The following SUCO variants were observed in gnomAD, a reference collection of about 807,000 sequenced individuals.
The protein encoded by SUCO is SUN domain containing ossification factor, also known as SUN domain-containing ossification factor.
Under a neutral mutation model 148.1 loss-of-function variants are expected in SUCO, and 57 were observed. That is an observed-to-expected ratio of 0.38 (90% CI 0.31 to 0.48). SUCO has a LOEUF of 0.48. Among genes scored for constraint, SUCO ranks in the 20% least tolerant of loss-of-function variants. SUCO has a pLI of 0.96. For synonymous variants in SUCO, 470 were observed against 502.7 expected (o/e 0.93, Z 0.87); for missense variants, 1,331 against 1,468.2 (o/e 0.91, Z 1.53).
chr1:172,557,813 C>T lies in SUCO; in HGVS notation c.732+19C>T. On this transcript the variant is annotated intron_variant, in intron 6 of 23. Transcript: ENST00000263688. ...AAATGAGGTAGGTATATAACTTGCA[C>T]TATCTCTTACTTCTTTATGTAATGC... The T allele has an allele frequency of 6.5e-7, 1 of 1,549,714 alleles. No homozygotes were observed. Among genetic ancestry groups the T allele is most frequent in the Non-Finnish European group, 8.7e-7 (1 of 1,148,168 alleles).
At chr1:172,570,247 G>T in intron 8 of SUCO, 76 bp downstream of exon 8, 3 of 827,710 alleles carry the variant, frequency 3.6e-6, no homozygotes, top group Admixed American at 2.7e-5. Context: ...TTGTTTACTG[G>T]GAACTATATT....
chr1:172,542,645 T>C (rs1652562495), intron 1 of SUCO: 1 of 715,374 alleles, frequency 1.4e-6, no homozygotes, highest in Non-Finnish European at 1.7e-6. Context: ...GAGAATCTAA[T>C]GGCCCCCCAC....
intron 1 of SUCO, among the ~76,000 whole-genome samples, chr1:172,534,904 A>G (rs1278886819): frequency 6.6e-6 from 1 of 152,222 alleles, no homozygotes; most frequent in Non-Finnish European, 1.5e-5. Context: ...GAAATGGCTA[A>G]TAAGGAAAAG....
In SUCO at chr1:172,557,799, G is replaced by A; in HGVS notation, c.732+5G>A. On this transcript the variant is annotated splice_donor_5th_base_variant and intron_variant, in intron 6 of 23. Transcript: ENST00000263688. ...TCAGATAATTTAAAAAATGAGGTAG[G>A]TATATAACTTGCACTATCTCTTACT... 6.3e-7 allele frequency: 1 copy of A among 1,583,640 alleles called. No individual in the cohort carries two copies. The highest frequency in any genetic ancestry group is 8.6e-7 in the Non-Finnish European group (1 of 1,169,466).
intron 6 of SUCO, among the ~76,000 whole-genome samples, chr1:172,567,132 G>T (rs1458405249): frequency 6.6e-6 from 1 of 152,178 alleles, no homozygotes; most frequent in African/African-American, 2.4e-5. Context: ...TTCCTTTGAA[G>T]AAAAGAAGAA....
intron 1 of SUCO, among the ~76,000 whole-genome samples, chr1:172,541,723 C>T (rs1652470650): frequency 6.6e-6 from 1 of 152,140 alleles, no homozygotes; most frequent in Non-Finnish European, 1.5e-5. Context: ...CATCTCAATG[C>T]AAAGAGATAT....
chr1:172,589,826 A>G lies in SUCO; in HGVS notation c.2725A>G (p.Asn909Asp). 6.2e-7 allele frequency: 1 copy of G among 1,609,266 alleles called. No homozygotes were observed. Among genetic ancestry groups the G allele is most frequent in the Non-Finnish European group, 8.5e-7 (1 of 1,178,562 alleles). ...YANGNLVHGS[N>D]QKESVFMRLN... ...TAATGGAAATCTTGTACATGGATCA[A>G]ACCAAAAGGAGTCAGTATTTATGAG... The change falls in exon 18 of 24, where the codon AAC becomes GAC. Residue 909 changes from asparagine to aspartate, a missense_variant. Around this residue, in one of 3 missense-constraint regions of SUCO, gnomAD observed 992 missense variants for 1,093.5 expected, o/e 0.91. Coordinates refer to ENST00000263688, the MANE Select transcript of SUCO (RefSeq NM_014283.5).
chr1:172,605,056 T>C (rs1302267981), intron 22 of SUCO, among the ~76,000 whole-genome samples: 1 of 151,856 alleles, frequency 6.6e-6, no homozygotes, highest in Non-Finnish European at 1.5e-5. Context: ...GGGAATTCTT[T>C]ATAACCTCCG....
intron 18 of SUCO, chr1:172,590,172 T>A: frequency 3.6e-6 from 1 of 281,376 alleles, no homozygotes; most frequent in Non-Finnish European, 5.4e-6. Context: ...GGCAACAAGT[T>A]TGAATTATCT....
At chr1:172,594,257 G>C (rs2149264485) in intron 19 of SUCO, among the ~76,000 whole-genome samples, 1 of 149,956 alleles carries the variant, frequency 6.7e-6, no homozygotes, top group South Asian at 2.1e-4. Flanking sequence ...TTTTTTTGAA[G>C]GGTTTTTTGT....
intron 6 of SUCO, 132 bp from the exon 7 acceptor site, chr1:172,568,887 T>G: frequency 2.2e-6 from 2 of 904,910 alleles, no homozygotes; most frequent in Non-Finnish European, 3.1e-6. Context: ...TTTACGTTTT[T>G]TATTTTTTCA....
chr1:172,566,332 A>C (rs1255732436), intron 6 of SUCO, among the ~76,000 whole-genome samples: 1 of 152,090 alleles, frequency 6.6e-6, no homozygotes, highest in Non-Finnish European at 1.5e-5. Flanking sequence ...GCCATCTCTC[A>C]TTGGCTCTTG....
rs73034024 is a variant in SUCO at position 172,568,413 on chromosome 1, T to G, written c.733-606T>G. Reference sequence around the variant, plus strand: ...ATACTTCTCTCAGTGTGTGACTTATTCGTCCATGTCATTTATGGTTAACCT... The same window carrying G: ...ATACTTCTCTCAGTGTGTGACTTATGCGTCCATGTCATTTATGGTTAACCT... On this transcript the variant is annotated intron_variant, in intron 6 of 23. Transcript: ENST00000263688. 7.9e-4 allele frequency: 773 copies of G among 980,376 alleles called. 3 individuals carry two copies. The African/African-American group carries it at 0.012, about 15-fold the overall frequency. The allele number at this position is 980,376 out of a possible 1,614,324, so 60.7% of individuals were successfully genotyped here. A position where few individuals can be genotyped will look rare whatever the true frequency, so the allele number is the denominator to read the frequency against.
In SUCO at chr1:172,570,125, C is replaced by T; in HGVS notation, c.935C>T (p.Ser312Leu). 6.3e-7 allele frequency: 1 copy of T among 1,591,338 alleles called. No homozygotes were observed. The highest frequency in any genetic ancestry group is 8.6e-7 in the Non-Finnish European group (1 of 1,167,330). ...CAGAAAAATCGAAATAATTATGCCTCAGTAGAATGTGGTGCCAAAATTCTA... is the reference window on the plus strand; with the variant it reads ...CAGAAAAATCGAAATAATTATGCCTTAGTAGAATGTGGTGCCAAAATTCTA... ...KVQKNRNNYA[S>L]VECGAKILAA... The change falls in exon 8 of 24, where the codon TCA becomes TTA. Residue 312 changes from serine (S) to leucine (L), a missense_variant. Physicochemically the swap from Ser to Leu is moderately radical, Grantham distance 145. Around this residue, in one of 3 missense-constraint regions of SUCO, gnomAD observed 992 missense variants for 1,093.5 expected, o/e 0.91. Coordinates refer to ENST00000263688, the MANE Select transcript of SUCO (RefSeq NM_014283.5).
At chr1:172,563,647 C>T (rs906897002) in intron 6 of SUCO, among the ~76,000 whole-genome samples, 19 of 152,248 alleles carry the variant, frequency 1.2e-4, no homozygotes, top group South Asian at 4.1e-4. Flanking sequence ...ATATTTAAAA[C>T]GGAAGCAGAG....
intron 6 of SUCO, among the ~76,000 whole-genome samples, chr1:172,563,299 CAG>C (rs1434135660): frequency 6.6e-6 from 1 of 152,130 alleles, no homozygotes; most frequent in African/African-American, 2.4e-5. Context: ...AGGAAGGTAA[CAG>C]AAAGTTTGGA....
chr1:172,591,145 G>GT (rs1440873765), intron 19 of SUCO, 74 bp downstream of exon 19: 1 of 1,120,616 alleles, frequency 8.9e-7, no homozygotes, highest in African/African-American at 1.6e-5. Context: ...CTGGTAAACA[G>GT]TAAGTATTGT....
chr1:172,540,385 A>G (rs1346056399), intron 1 of SUCO, among the ~76,000 whole-genome samples: 1 of 152,202 alleles, frequency 6.6e-6, no homozygotes, highest in Non-Finnish European at 1.5e-5. Context: ...GGAATTGTTC[A>G]TGAAACTTTT....
intron 6 of SUCO, among the ~76,000 whole-genome samples, chr1:172,567,940 C>T (rs543693780): frequency 1.2e-4 from 18 of 152,266 alleles, no homozygotes; most frequent in African/African-American, 3.9e-4. Flanking sequence ...AGGAACCAGG[C>T]GCACGACAGG....
Sources: gnomAD v4.1 joint callset for allele counts (sites outside exome capture counted in the v4.1 genomes callset) on GRCh38, gnomAD v4.1.1 for gene constraint, gnomAD v4.1.1 regional missense constraint, MANE v1.5 for transcripts, NCBI Gene and HGNC (gene_info 2026-07-23, HGNC 2026-07-21) for gene names.